Variants in COL6A2 observed in about 807,000 individuals in gnomAD.
The protein encoded by COL6A2 is collagen type VI alpha 2 chain, also known as collagen alpha-2(VI) chain.
Under a neutral mutation model 124.9 loss-of-function variants are expected in COL6A2, and 90 were observed. The observed-to-expected ratio is 0.72, with a 90% CI of 0.61 to 0.86. The LOEUF (loss-of-function observed/expected upper bound fraction) is 0.86. Ranked by LOEUF, COL6A2 falls within the 40% of genes least tolerant of loss-of-function variation. The pLI is 0.00. For synonymous variants in COL6A2, 793 were observed against 618.2 expected (o/e 1.28, Z -4.19); for missense variants, 1,607 against 1,502.5 (o/e 1.07, Z -1.15).
intron 27 of COL6A2, among the ~76,000 whole-genome samples, chr21:46,131,014 C>A (rs1173261501): frequency 1.3e-5 from 2 of 152,234 alleles, no homozygotes; most frequent in Non-Finnish European, 1.5e-5. Flanking sequence ...CCTCCAGGGC[C>A]CCCAGAAACC....
chr21:46,117,983 C>T lies in COL6A2; in HGVS notation c.1116+47C>T. 5 of 1,572,244 alleles carry T rather than the reference C, an allele frequency of 3.2e-6. No homozygotes were observed. The South Asian group carries it at 5.7e-5, about 18-fold the overall frequency. On this transcript the variant is annotated intron_variant, in intron 12 of 27. Coordinates refer to ENST00000300527, the MANE Select transcript of COL6A2 (RefSeq NM_001849.4). The stretch of plus-strand genomic sequence containing the variant: ...CGGGGCAGGCGGGGTCACCAGCTTC[C>T]AGGGGCCTCCTGGAGGCAGCCCCAG...
chr21:46,126,476 T>TGGCCCGGCCCGGCCCGGCCC lies in COL6A2; in HGVS notation c.2423-18_2423-17insCGGCCCGGCCCGGCCCGGCC, dbSNP rs138363207. 8.8e-3 allele frequency: 14,136 copies of TGGCCCGGCCCGGCCCGGCCC among 1,610,762 alleles called. 91 individuals are homozygous for TGGCCCGGCCCGGCCCGGCCC. The highest frequency in any genetic ancestry group is 0.011 in the Non-Finnish European group (13,026 of 1,177,410). On this transcript the variant is annotated intron_variant, in intron 26 of 27. Coordinates refer to ENST00000300527, the MANE Select transcript of COL6A2 (RefSeq NM_001849.4). ...GGTTCGCTAGGGACTGACCCTGGCC[T>TGGCCCGGCCCGGCCCGGCCC]GGCCCGGCCTCTCTCCTCTCTTCCA...
chr21:46,117,265 A>C (rs567238980), intron 10 of COL6A2, 135 bp from the exon 11 acceptor site: 1 of 873,542 alleles, frequency 1.1e-6, no homozygotes, highest in South Asian at 1.6e-5. Flanking sequence ...CCGTGGCCTC[A>C]TGTGGGCACC....
At position 46,116,210 on chromosome 21, in the gene COL6A2, C is replaced by T. The variant is rs2078468050; in HGVS notation, c.900+157C>T. Among the ~76,000 whole-genome samples, 1 of 152,158 alleles carries T rather than the reference C, an allele frequency of 6.6e-6. No individual in the cohort carries two copies. On this transcript the variant is annotated intron_variant, in intron 7 of 27. Transcript: ENST00000300527. The surrounding 1 kb of genome is among the most constrained non-coding windows in gnomAD (Gnocchi z 4.6). ...ATAACTTGATGGCCGTCCCAAAACC[C>T]AGCCTCCAGCCCGACCCAGGGCTCA...
At position 46,131,990 on chromosome 21, in the gene COL6A2, ACAT is replaced by A. The variant is rs780471408; in HGVS notation, c.2500_2502del (p.Ile834del). The A allele has an allele frequency of 6.2e-7, 1 of 1,609,964 alleles. No homozygotes were observed. Among genetic ancestry groups the A allele is most frequent in the South Asian group, 1.1e-5 (1 of 90,924 alleles). ...GCACAGTGCACGCAGCGGCCCGTGG[ACAT>A]CGTCTTCCTGCTGGACGGCTCCGAG... On this transcript the variant is annotated inframe_deletion, in exon 28 of 28. Transcript: ENST00000300527.
chr21:46,115,016 TCGAG>T (rs2123623298), intron 5 of COL6A2, among the ~76,000 whole-genome samples: 1 of 152,374 alleles, frequency 6.6e-6, no homozygotes, highest in African/African-American at 2.4e-5. Flanking sequence ...ATGAGACATC[TCGAG>T]GCTGCAGGTC....
rs1028558177 is a variant in COL6A2, at chr21:46,132,649, T to A, written c.*97T>A. On this transcript the variant is annotated 3_prime_UTR_variant, in exon 28 of 28. Coordinates refer to ENST00000300527, the MANE Select transcript of COL6A2 (RefSeq NM_001849.4). ...CCACACGGCCAGCACCGCTGCTCAC[T>A]CGGACGACGCCCTGGGCCTGCACCT... 23 of 1,243,190 alleles carry A rather than the reference T, an allele frequency of 1.9e-5. No homozygotes were observed. Among genetic ancestry groups the A allele is most frequent in the Non-Finnish European group, 2.6e-5 (23 of 882,212 alleles). 77.0% of individuals were successfully genotyped at this position (1,243,190 alleles called of 1,614,324 possible).
At chr21:46,119,946 G>A (rs2078534342) in intron 15 of COL6A2, 96 bp downstream of exon 15, 9 of 1,085,142 alleles carry the variant, frequency 8.3e-6, no homozygotes, top group Non-Finnish European at 1.2e-5. Context: ...GAGAACAACA[G>A]AACCCCAGGG....
At chr21:46,101,446 C>G (rs1252382410) in intron 1 of COL6A2, among the ~76,000 whole-genome samples, 1 of 152,070 alleles carries the variant, frequency 6.6e-6, no homozygotes, top group East Asian at 1.9e-4. Context: ...TCTATTTTTT[C>G]TTATTGTCAT....
intron 17 of COL6A2, 54 bp from the exon 18 acceptor site, chr21:46,121,502 G>T (rs2078565537): frequency 1.9e-6 from 3 of 1,557,788 alleles, no homozygotes; most frequent in Non-Finnish European, 2.7e-6. Context: ...GGTGACCCCT[G>T]GGCATGGCCA....
At chr21:46,108,422 G>A (rs1031674407) in intron 1 of COL6A2, among the ~76,000 whole-genome samples, 1 of 152,140 alleles carries the variant, frequency 6.6e-6, no homozygotes, top group Admixed American at 6.5e-5. Context: ...ATTTGTGTAA[G>A]GTGAAATTGT....
In COL6A2 at chr21:46,120,475, C is replaced by T. The variant is rs1004084716; in HGVS notation, c.1333-40C>T. On this transcript the variant is annotated intron_variant, in intron 15 of 27. Transcript: ENST00000300527. ...CTCACATGGGACCCAGGCCGGAGGC[C>T]TCAGCTGAGACCCGTGGGGCCTCCC... The T allele has an allele frequency of 8.6e-6, 13 of 1,518,006 alleles. No homozygotes were observed. In the African/African-American group the frequency reaches 1.7e-4, roughly 19 times the overall value. The allele number at this position is 1,518,006 out of a possible 1,614,324, so 94.0% of individuals were successfully genotyped here.
Position 46,132,145 on chromosome 21 carries a change from C to T in COL6A2, c.2653C>T (p.Pro885Ser), listed in dbSNP as rs2078769004. The T allele has an allele frequency of 6.4e-7, 1 of 1,571,392 alleles. No homozygotes were observed. The highest frequency in any genetic ancestry group is 8.6e-7 in the Non-Finnish European group (1 of 1,160,536). The change falls in exon 28 of 28, where the codon CCC becomes TCC. Residue 885 changes from proline (P) to serine (S), a missense_variant. Coordinates refer to ENST00000300527, the MANE Select transcript of COL6A2 (RefSeq NM_001849.4). ...CGTGGCGCTGCTGCAGTTTGGTGGC[C>T]CCGGCGAGCAGCAGGTGGCCTTCCC... is the stretch of plus-strand genomic sequence containing the variant. ...ARVALLQFGGPGEQQVAFPLS... is the reference protein window; with the variant it reads ...ARVALLQFGGSGEQQVAFPLS...
chr21:46,128,450 G>C (rs911690662), intron 27 of COL6A2, among the ~76,000 whole-genome samples: 1 of 152,212 alleles, frequency 6.6e-6, no homozygotes, highest in African/African-American at 2.4e-5. Context: ...CATCCTCCTC[G>C]GCCCTCCTGG....
At position 46,128,750 on chromosome 21, in the gene COL6A2, T is replaced by C. The variant is rs568259963; in HGVS notation, c.2461+2209T>C. ...AGGTCTGCTCAGGGGAAGACAGTTC[T>C]GGGTGTAGAGGACTCACATCCCAGA... On this transcript the variant is annotated intron_variant, in intron 27 of 27. Coordinates refer to ENST00000300527, the MANE Select transcript of COL6A2 (RefSeq NM_001849.4). 3.9e-5 allele frequency among the ~76,000 whole-genome samples: 6 copies of C among 152,334 alleles called. No individual in the cohort carries two copies. The South Asian group carries it at 1.2e-3, about 32-fold the overall frequency.
At chr21:46,129,162 G>A in intron 27 of COL6A2, 1 of 1,612,418 alleles carries the variant, frequency 6.2e-7, no homozygotes, top group Non-Finnish European at 8.5e-7. Flanking sequence ...GCCCACCGCA[G>A]GCCTTACAGT....
rs746660911 is a variant in COL6A2, at chr21:46,116,360, TCTC to T, written c.901-11_901-9del. 18 of 1,612,370 alleles carry T rather than the reference TCTC, an allele frequency of 1.1e-5. No homozygotes were observed. Among genetic ancestry groups the T allele is most frequent in the Non-Finnish European group, 1.5e-5 (18 of 1,179,844 alleles). On this transcript the variant is annotated splice_polypyrimidine_tract_variant and intron_variant, in intron 7 of 27. Transcript: ENST00000300527. This position sits in a 1 kb window ranked among gnomAD's most constrained non-coding sequence, Gnocchi z 4.6. ...GCAGAGCTCCTCACTAATGCCCCTCTCTCCTCCTGCCCCCAGGGCGTTCCTGGC... is the reference window on the plus strand; with the variant it reads ...GCAGAGCTCCTCACTAATGCCCCTCTCTCCTGCCCCCAGGGCGTTCCTGGC...
intron 27 of COL6A2, chr21:46,129,501 AC>A: frequency 6.5e-7 from 1 of 1,539,078 alleles, no homozygotes; most frequent in Non-Finnish European, 8.7e-7. Flanking sequence ...AAGCCCGGGC[AC>A]CCGCCCAGCC....
rs771658013 is a variant in COL6A2 at position 46,124,711 on chromosome 21, G to A, written c.1732G>A (p.Glu578Lys). ...GGGGCCAAGAGGAGTCCCAGGACCC[G>A]AGGTAGGTTGGTGGCCAGTCCCCAT... ...PRGPRGVPGP[E>K]GEPGPPGDPG... is the part of the protein sequence containing the mutation. Residue 578 changes from glutamate (E) to lysine (K), a missense_variant and splice_region_variant, in exon 22 of 28, where the codon GAG (glutamate) becomes AAG (lysine). By Grantham distance (56) the Glu-to-Lys change is moderately conservative. Coordinates refer to ENST00000300527, the MANE Select transcript of COL6A2 (RefSeq NM_001849.4). 1.6e-5 allele frequency: 26 copies of A among 1,612,532 alleles called. No homozygotes were observed. The East Asian group carries it at 2.7e-4, about 17-fold the overall frequency.
Sources: gnomAD v4.1 joint callset for allele counts (sites outside exome capture counted in the v4.1 genomes callset) on GRCh38, gnomAD v4.1.1 for gene constraint, Gnocchi (gnomAD v3.1) non-coding constraint, MANE v1.5 for transcripts, NCBI Gene and HGNC (gene_info 2026-07-23, HGNC 2026-07-21) for gene names.